SIPA1L3: variants seen among roughly 807,000 people sequenced by gnomAD.
SIPA1L3 encodes the protein signal induced proliferation associated 1 like 3.
In SIPA1L3, 59 loss-of-function variants were observed where a neutral mutation model predicts 150.1. That is an observed-to-expected ratio of 0.39 (90% confidence interval 0.32 to 0.49). SIPA1L3 has a LOEUF of 0.49. Among genes scored for constraint, SIPA1L3 ranks in the 20% least tolerant of loss-of-function variants. SIPA1L3 has a pLI of 0.86. For missense variants in SIPA1L3, 2,211 were observed against 2,489.5 expected, an observed-to-expected ratio of 0.89 and a Z score of 2.38; for synonymous variants, 1,070 against 1,077.6, an observed-to-expected ratio of 0.99 and a Z score of 0.14.
At chr19:38,203,145 A>C (rs982835275) in intron 20 of SIPA1L3, among the ~76,000 whole-genome samples, 6 of 152,072 alleles carry the variant, frequency 3.9e-5, no homozygotes, top group Admixed American at 6.5e-5. Context: ...TTCAGAACTC[A>C]ACCTCCACCA....
intron 2 of SIPA1L3, among the ~76,000 whole-genome samples, chr19:38,039,156 T>C (rs1233144825): frequency 6.6e-6 from 1 of 152,130 alleles, no homozygotes; most frequent in African/African-American, 2.4e-5. Context: ...GTGCTAGGAT[T>C]ACAGGCATGA....
intron 1 of SIPA1L3, among the ~76,000 whole-genome samples, chr19:37,941,087 T>TACACACACACACACACACAC (rs59368800): frequency 6.2e-5 from 8 of 128,552 alleles, no homozygotes; most frequent in East Asian, 4.8e-4. Flanking sequence ...CACACACACA[T>TACACACACACACACACACAC]ACACACACAC....
At chr19:37,975,312 C>T (rs1406239564) in intron 1 of SIPA1L3, among the ~76,000 whole-genome samples, 1 of 152,098 alleles carries the variant, frequency 6.6e-6, no homozygotes, top group Non-Finnish European at 1.5e-5. Context: ...GAGGGCTTCC[C>T]GAGGAGGCAC....
chr19:38,202,144 A>G (rs1053272093), intron 20 of SIPA1L3, 147 bp downstream of exon 20: 2 of 715,870 alleles, frequency 2.8e-6, no homozygotes, highest in East Asian at 5.6e-5. Flanking sequence ...CCCTCCTAAC[A>G]GACTTGGAAG....
At chr19:38,006,109 T>C (rs1967933081) in intron 1 of SIPA1L3, among the ~76,000 whole-genome samples, 1 of 152,050 alleles carries the variant, frequency 6.6e-6, no homozygotes, top group Admixed American at 6.6e-5. Flanking sequence ...CAAGACATCA[T>C]GTAACTAGTT....
chr19:38,082,382 C>A lies in SIPA1L3; in HGVS notation c.817C>A (p.Pro273Thr). Residue 273 changes from proline (P) to threonine (T), a missense_variant, in exon 3 of 22, where the codon CCA (proline) becomes ACA (threonine). Around this residue, in one of 5 missense-constraint regions of SIPA1L3, gnomAD observed 587 missense variants for 534.5 expected, o/e 1.10. Coordinates refer to ENST00000222345, the MANE Select transcript of SIPA1L3 (RefSeq NM_015073.3). The part of the protein sequence containing the change: ...NGQPAKDSLL[P>T]LQPTKEKEKA... ...GCAGCCCGCCAAGGACAGCCTCCTG[C>A]CACTGCAGCCCACGAAGGAGAAGGA... 6.3e-7 allele frequency: 1 copy of A among 1,598,428 alleles called. No homozygotes were observed. Among genetic ancestry groups the A allele is most frequent in the Non-Finnish European group, 8.5e-7 (1 of 1,178,102 alleles).
intron 2 of SIPA1L3, among the ~76,000 whole-genome samples, chr19:38,043,595 C>T (rs1301175210): frequency 6.6e-6 from 1 of 152,178 alleles, no homozygotes; most frequent in Non-Finnish European, 1.5e-5. Flanking sequence ...GGGATCATGC[C>T]ACCGTATATA....
intron 1 of SIPA1L3, among the ~76,000 whole-genome samples, chr19:37,988,368 T>C (rs1967415752): frequency 6.6e-6 from 1 of 151,518 alleles, no homozygotes; most frequent in African/African-American, 2.4e-5. Flanking sequence ...TTTTATAATT[T>C]TTAAAAAATT....
chr19:38,114,033 C>T (rs1970827801), intron 8 of SIPA1L3, among the ~76,000 whole-genome samples: 1 of 152,092 alleles, frequency 6.6e-6, no homozygotes, highest in Non-Finnish European at 1.5e-5. Flanking sequence ...AAACCTTCAG[C>T]CGTTTGCAAT....
chr19:37,987,771 G>A (rs1967395837), intron 1 of SIPA1L3, among the ~76,000 whole-genome samples: 1 of 152,206 alleles, frequency 6.6e-6, no homozygotes, highest in Non-Finnish European at 1.5e-5. Flanking sequence ...CAAGCTCTTG[G>A]TGCATCTCCC....
Position 38,047,493 on chromosome 19 carries a change from G to A in SIPA1L3, c.-311+18337G>A, listed in dbSNP as rs1226530211. 3.9e-5 allele frequency among the ~76,000 whole-genome samples: 6 copies of A among 152,238 alleles called. No homozygotes were observed. Among genetic ancestry groups the A allele is most frequent in the East Asian group, 3.9e-4 (2 of 5,184 alleles). The stretch of plus-strand genomic sequence containing the variant: ...TAAATATTTGTTGAATGAATGAACC[G>A]ACATGGCCAGTGACACAATGTCTCA... On this transcript the variant is annotated intron_variant, in intron 2 of 21. Coordinates refer to ENST00000222345, the MANE Select transcript of SIPA1L3 (RefSeq NM_015073.3). The surrounding 1 kb of genome is among the most constrained non-coding windows in gnomAD (Gnocchi z 4.7).
At chr19:37,917,473 T>C (rs1209853348) in intron 1 of SIPA1L3, among the ~76,000 whole-genome samples, 1 of 152,190 alleles carries the variant, frequency 6.6e-6, no homozygotes, top group Admixed American at 6.6e-5. Flanking sequence ...TTGGTGGGTG[T>C]TGCCTGTGTT....
intron 15 of SIPA1L3, among the ~76,000 whole-genome samples, chr19:38,165,817 A>G (rs1972196785): frequency 6.6e-6 from 1 of 152,180 alleles, no homozygotes. Flanking sequence ...GCCGGAGTGC[A>G]GTGGTGCGGT....
intron 16 of SIPA1L3, among the ~76,000 whole-genome samples, chr19:38,191,402 A>C (rs143159585): frequency 1.3e-5 from 2 of 151,922 alleles, no homozygotes; most frequent in Non-Finnish European, 2.9e-5. Context: ...CTGTCTCAAA[A>C]AAAAAAAAAA....
intron 1 of SIPA1L3, among the ~76,000 whole-genome samples, chr19:38,021,090 C>T (rs952965929): frequency 3.3e-5 from 5 of 152,140 alleles, no homozygotes; most frequent in African/African-American, 4.8e-5. Flanking sequence ...CGTGAGCCAC[C>T]GTGCCCGGCT....
At chr19:37,990,608 C>G (rs1599874374) in intron 1 of SIPA1L3, among the ~76,000 whole-genome samples, 1 of 152,332 alleles carries the variant, frequency 6.6e-6, no homozygotes, top group African/African-American at 2.4e-5. Context: ...CAGCGAGAAC[C>G]CCGCCCCAGT....
intron 15 of SIPA1L3, 116 bp downstream of exon 15, chr19:38,165,022 T>A: frequency 1.0e-6 from 1 of 985,452 alleles, no homozygotes; most frequent in Non-Finnish European, 1.4e-6. Flanking sequence ...TGAATGCGCC[T>A]AGTCATTGGT....
chr19:37,948,358 C>T (rs958410738), intron 1 of SIPA1L3, among the ~76,000 whole-genome samples: 4 of 151,792 alleles, frequency 2.6e-5, no homozygotes, highest in African/African-American at 7.3e-5. Context: ...CCCAGTTACT[C>T]GAGAGGCTGA....
At chr19:38,141,060 A>G in intron 10 of SIPA1L3, 124 bp from the exon 11 acceptor site, 2 of 251,908 alleles carry the variant, frequency 7.9e-6, no homozygotes. Flanking sequence ...TCTGTCTCAA[A>G]AAAAAAAAAA....
Sources: allele counts gnomAD v4.1 joint callset (sites outside exome capture counted in the v4.1 genomes callset), GRCh38; gene constraint gnomAD v4.1.1; regional missense constraint gnomAD v4.1.1; non-coding constraint Gnocchi (gnomAD v3.1); transcripts MANE v1.5; gene names NCBI Gene and HGNC (gene_info 2026-07-23, HGNC 2026-07-21).